UNC5C: variants seen among roughly 807,000 people sequenced by gnomAD.
The protein encoded by UNC5C is netrin receptor UNC5C.
Under a neutral mutation model 99.8 loss-of-function variants are expected in UNC5C, and 47 were observed. That is an observed-to-expected ratio of 0.47 (90% CI 0.37 to 0.60). The LOEUF (loss-of-function observed/expected upper bound fraction) is 0.60, where lower values mean the gene tolerates loss of function less well. UNC5C is among the 20% of genes least tolerant of loss of function. The pLI, the probability that UNC5C is intolerant of heterozygous loss-of-function variation, is 0.00. For missense variants in UNC5C, 1,062 were observed against 1,165.9 expected (o/e 0.91, Z 1.30); for synonymous variants, 487 against 452.2 (o/e 1.08, Z -0.98).
At chr4:95,416,161 A>G (rs1319488800) in intron 1 of UNC5C, among the ~76,000 whole-genome samples, 1 of 152,122 alleles carries the variant, frequency 6.6e-6, no homozygotes, top group African/African-American at 2.4e-5. Flanking sequence ...AGAACCTTTA[A>G]GTGCTTATTT....
chr4:95,539,260 A>G (rs1722856084), intron 1 of UNC5C, among the ~76,000 whole-genome samples: 1 of 152,180 alleles, frequency 6.6e-6, no homozygotes, highest in African/African-American at 2.4e-5. Context: ...CGTGTAGGAA[A>G]ACAACAGCAG....
intron 4 of UNC5C, among the ~76,000 whole-genome samples, chr4:95,265,272 T>G (rs907989366): frequency 2.6e-5 from 4 of 151,520 alleles, no homozygotes; most frequent in African/African-American, 9.7e-5. Context: ...TAATTCCATC[T>G]GGATGCTCAA....
At chr4:95,335,322 C>A in intron 2 of UNC5C, 88 bp downstream of exon 2, 1 of 1,214,556 alleles carries the variant, frequency 8.2e-7, no homozygotes, top group Non-Finnish European at 1.1e-6. Context: ...ATTTTCCATT[C>A]CACTAATTGA....
chr4:95,405,856 A>G (rs1479484599), intron 1 of UNC5C, among the ~76,000 whole-genome samples: 1 of 152,218 alleles, frequency 6.6e-6, no homozygotes, highest in Admixed American at 6.5e-5. Flanking sequence ...TTTGAAATGT[A>G]TTAATGTTTT....
chr4:95,206,554 G>A, intron 11 of UNC5C, 74 bp downstream of exon 11: 1 of 1,588,386 alleles, frequency 6.3e-7, no homozygotes, highest in Non-Finnish European at 8.5e-7. Flanking sequence ...ATAAATAAAA[G>A]GCCTCCCATA....
chr4:95,280,757 A>C (rs1033287507), intron 3 of UNC5C, among the ~76,000 whole-genome samples: 1 of 152,198 alleles, frequency 6.6e-6, no homozygotes, highest in South Asian at 2.1e-4. Context: ...CTTTAAAGTT[A>C]TCTAAACCAT....
intron 1 of UNC5C, among the ~76,000 whole-genome samples, chr4:95,546,382 T>G (rs777625088): frequency 6.6e-6 from 1 of 152,210 alleles, no homozygotes; most frequent in African/African-American, 2.4e-5. Context: ...GCTGGGTTAC[T>G]GTACTGCAGT....
At chr4:95,337,914 GTTTA>G (rs1743410088) in intron 1 of UNC5C, among the ~76,000 whole-genome samples, 1 of 151,952 alleles carries the variant, frequency 6.6e-6, no homozygotes, top group African/African-American at 2.4e-5. Flanking sequence ...CAGCATAGTA[GTTTA>G]TTAAGATTTC....
intron 1 of UNC5C, among the ~76,000 whole-genome samples, chr4:95,460,490 T>C (rs1276844340): frequency 6.6e-6 from 1 of 152,052 alleles, no homozygotes; most frequent in African/African-American, 2.4e-5. Flanking sequence ...GGGGGCGGTT[T>C]CCCCCATACT....
rs114544878 is a variant in UNC5C, at chr4:95,261,244, A to G, written c.595-10577T>C. Among the ~76,000 whole-genome samples, 700 of 152,240 alleles carry G rather than the reference A, an allele frequency of 4.6e-3. 7 individuals carry two copies. The highest frequency in any genetic ancestry group is 0.016 in the African/African-American group (664 of 41,552). ...GGCTGGTGTCCCCAGGGAAGCAGAG[A>G]GGTCCTTAGAAAAGAAGCATTGGAC... is the stretch of plus-strand genomic sequence containing the variant. On this transcript the variant is annotated intron_variant, in intron 4 of 15. Transcript: ENST00000453304.
intron 4 of UNC5C, among the ~76,000 whole-genome samples, chr4:95,272,031 A>G (rs1241149890): frequency 6.8e-6 from 1 of 146,692 alleles, no homozygotes; most frequent in Non-Finnish European, 1.5e-5. Flanking sequence ...CCTTACCTTC[A>G]GATCTCAGCT....
chr4:95,333,176 A>G (rs1449287481), intron 2 of UNC5C, among the ~76,000 whole-genome samples: 1 of 152,144 alleles, frequency 6.6e-6, no homozygotes, highest in African/African-American at 2.4e-5. Flanking sequence ...TTCCTCAGGG[A>G]TCTAGAACTG....
chr4:95,504,428 G>A (rs935623701), intron 1 of UNC5C, among the ~76,000 whole-genome samples: 2 of 152,048 alleles, frequency 1.3e-5, no homozygotes, highest in African/African-American at 4.8e-5. Context: ...CAAGTCTGTG[G>A]CAGATACATG....
At chr4:95,230,599 C>T (rs1466713815) in intron 7 of UNC5C, among the ~76,000 whole-genome samples, 1 of 151,670 alleles carries the variant, frequency 6.6e-6, no homozygotes, top group Non-Finnish European at 1.5e-5. Flanking sequence ...GTCTTTAATC[C>T]ATCTTGAGTT....
chr4:95,522,299 G>A (rs925201431), intron 1 of UNC5C, among the ~76,000 whole-genome samples: 10 of 151,994 alleles, frequency 6.6e-5, no homozygotes, highest in African/African-American at 2.2e-4. Flanking sequence ...CCCTCCAAAT[G>A]GGCAGGAGCT....
At chr4:95,515,369 A>T (rs1722184859) in intron 1 of UNC5C, among the ~76,000 whole-genome samples, 2 of 152,210 alleles carry the variant, frequency 1.3e-5, no homozygotes, top group Non-Finnish European at 2.9e-5. Context: ...GGGTTTGCCC[A>T]AATTTAAACA....
intron 4 of UNC5C, among the ~76,000 whole-genome samples, chr4:95,263,061 T>A (rs1276946288): frequency 2.6e-5 from 4 of 152,112 alleles, no homozygotes; most frequent in African/African-American, 9.7e-5. Flanking sequence ...TTGATCCACC[T>A]GCCTCGGCCT....
chr4:95,389,310 T>C (rs1012014322), intron 1 of UNC5C, among the ~76,000 whole-genome samples: 5 of 152,178 alleles, frequency 3.3e-5, no homozygotes, highest in African/African-American at 9.6e-5. Flanking sequence ...TGTTTTACTA[T>C]TCAATATTGA....
At chr4:95,176,652 T>A (rs1008588932) in intron 14 of UNC5C, among the ~76,000 whole-genome samples, 84 of 152,124 alleles carry the variant, frequency 5.5e-4, no homozygotes, top group African/African-American at 1.7e-3. Context: ...CAAAGCTGTC[T>A]GACAGGGACA....
Sources: gnomAD v4.1 joint callset for allele counts (sites outside exome capture counted in the v4.1 genomes callset) on GRCh38, gnomAD v4.1.1 for gene constraint, MANE v1.5 for transcripts, NCBI Gene and HGNC (gene_info 2026-07-23, HGNC 2026-07-21) for gene names.